The following CNTN6 variants were observed in gnomAD, a reference collection of about 807,000 sequenced individuals.
CNTN6 encodes contactin-6.
Under a neutral mutation model 122.8 loss-of-function variants are expected in CNTN6, and 137 were observed. The observed-to-expected ratio is 1.12, with a 90% CI of 0.97 to 1.29. The LOEUF is 1.29. Among genes scored for constraint, CNTN6 ranks in the 50% most tolerant of loss-of-function variants. CNTN6 has a pLI of 0.00. For missense variants in CNTN6, 1,634 were observed against 1,223.4 expected (o/e 1.34, Z -5.01); for synonymous variants, 570 against 426.0 (o/e 1.34, Z -4.16).
intron 5 of CNTN6, among the ~76,000 whole-genome samples, chr3:1,286,095 C>A (rs1244430554): frequency 6.6e-6 from 1 of 152,224 alleles, no homozygotes. Flanking sequence ...CAGAACTCTC[C>A]TGTTGCAGCC....
At chr3:1,162,715 T>A (rs1301224686) in intron 2 of CNTN6, among the ~76,000 whole-genome samples, 1 of 152,238 alleles carries the variant, frequency 6.6e-6, no homozygotes, top group Non-Finnish European at 1.5e-5. Context: ...GGATCTTGCT[T>A]TATGTTTGAG....
chr3:1,300,809 CT>C (rs1697253074), intron 7 of CNTN6, among the ~76,000 whole-genome samples: 1 of 151,922 alleles, frequency 6.6e-6, no homozygotes, highest in South Asian at 2.1e-4. Flanking sequence ...CTCTCTCCCC[CT>C]CTCTCTCTTT....
At chr3:1,349,517 A>G (rs1265737288) in intron 11 of CNTN6, among the ~76,000 whole-genome samples, 1 of 151,776 alleles carries the variant, frequency 6.6e-6, no homozygotes, top group Non-Finnish European at 1.5e-5. Context: ...ATTGTAAAAG[A>G]AGAATAGAAA....
chr3:1,118,404 A>T (rs1427348861), intron 1 of CNTN6, among the ~76,000 whole-genome samples: 1 of 152,190 alleles, frequency 6.6e-6, no homozygotes, highest in Non-Finnish European at 1.5e-5. Context: ...TTTATTTCTA[A>T]ACAAAGCCTA....
At chr3:1,287,097 C>T (rs1345276485) in intron 5 of CNTN6, among the ~76,000 whole-genome samples, 1 of 152,138 alleles carries the variant, frequency 6.6e-6, no homozygotes, top group Non-Finnish European at 1.5e-5. Context: ...TACAAAGAAA[C>T]TTAGACTCCC....
chr3:1,308,908 G>T (rs1471967916), intron 7 of CNTN6, among the ~76,000 whole-genome samples: 2 of 151,994 alleles, frequency 1.3e-5, no homozygotes, highest in Non-Finnish European at 1.5e-5. Context: ...CTTTTAATGT[G>T]ATTATTTGCT....
chr3:1,385,649 A>T lies in CNTN6; in HGVS notation c.2556A>T (p.Ile852=), dbSNP rs763503825. The change falls in exon 20 of 23, where the codon ATA becomes ATT. Residue 852 remains isoleucine, a synonymous_variant. Coordinates refer to ENST00000446702, the MANE Select transcript of CNTN6 (RefSeq NM_001289080.2). The part of the protein sequence containing the change: ...YWTDDSKESM[I]GKIRVSGNVT... ...CAGATGACTCCAAAGAATCCATGAT[A>T]GGTAAAATTAGAGTCAGTGGAAATG... 1 of 1,614,046 alleles carries T rather than the reference A, an allele frequency of 6.2e-7. No individual in the cohort carries two copies. Among genetic ancestry groups the T allele is most frequent in the Non-Finnish European group, 8.5e-7 (1 of 1,179,918 alleles).
intron 20 of CNTN6, among the ~76,000 whole-genome samples, chr3:1,389,716 T>C (rs1693803474): frequency 6.6e-6 from 1 of 150,872 alleles, no homozygotes; most frequent in African/African-American, 2.4e-5. Context: ...TGGAGGAAGA[T>C]CTACTGAGCC....
chr3:1,179,192 A>T (rs1190742543), intron 2 of CNTN6, among the ~76,000 whole-genome samples: 2 of 152,042 alleles, frequency 1.3e-5, no homozygotes, highest in African/African-American at 4.8e-5. Flanking sequence ...GTGAGAACTT[A>T]CTCATTACCA....
chr3:1,322,791 G>T (rs1484047959), intron 8 of CNTN6, among the ~76,000 whole-genome samples: 1 of 151,216 alleles, frequency 6.6e-6, no homozygotes, highest in Non-Finnish European at 1.5e-5. Context: ...ACTTTAACCT[G>T]CAATGAATAC....
chr3:1,151,972 T>C (rs2092853273), intron 2 of CNTN6, among the ~76,000 whole-genome samples: 1 of 152,046 alleles, frequency 6.6e-6, no homozygotes, highest in Admixed American at 6.6e-5. Flanking sequence ...TACTGAAAAA[T>C]CTACATTTCT....
chr3:1,168,625 AC>A (rs1218181847), intron 2 of CNTN6, among the ~76,000 whole-genome samples: 3 of 151,670 alleles, frequency 2.0e-5, no homozygotes, highest in African/African-American at 7.3e-5. Context: ...AAATATTTTA[AC>A]CTCATTTTAC....
Position 1,321,835 on chromosome 3 carries a change from G to C in CNTN6, c.946+1G>C, listed in dbSNP as rs768052985. The C allele has an allele frequency of 3.1e-6, 5 of 1,598,186 alleles. No individual in the cohort carries two copies. The highest frequency in any genetic ancestry group is 4.3e-6 in the Non-Finnish European group (5 of 1,173,024). ...GCAAAGGGTCAACTCATTTTTTATG[G>C]TGAGCTAATTGGATTTCAAATATAT... On this transcript the variant is annotated splice_donor_variant, in intron 8 of 22. Coordinates refer to ENST00000446702, the MANE Select transcript of CNTN6 (RefSeq NM_001289080.2). LOFTEE classifies it high-confidence loss of function.
chr3:1,369,164 A>G (rs559615772), intron 12 of CNTN6, among the ~76,000 whole-genome samples: 272 of 152,250 alleles, frequency 1.8e-3, no homozygotes, highest in Non-Finnish European at 3.2e-3. Context: ...TACCCAGCTC[A>G]CTACTACTTG....
At chr3:1,384,716 AC>A (rs1442268281) in intron 19 of CNTN6, among the ~76,000 whole-genome samples, 2,197 of 137,454 alleles carry the variant, frequency 0.016, 39 homozygotes, top group South Asian at 0.037. Flanking sequence ...ACATATACAT[AC>A]TATATATACA....
At chr3:1,334,265 T>C (rs1438462816) in intron 11 of CNTN6, among the ~76,000 whole-genome samples, 1 of 152,140 alleles carries the variant, frequency 6.6e-6, no homozygotes, top group Admixed American at 6.6e-5. Context: ...AAAAGGCATA[T>C]TCCTGCAGGA....
intron 3 of CNTN6, among the ~76,000 whole-genome samples, chr3:1,221,392 A>G (rs961151218): frequency 1.3e-5 from 2 of 152,326 alleles, no homozygotes; most frequent in East Asian, 3.9e-4. Flanking sequence ...AAAATGTTCT[A>G]TAAGGAATGA....
intron 1 of CNTN6, among the ~76,000 whole-genome samples, chr3:1,119,671 C>T (rs2125054859): frequency 6.6e-6 from 1 of 151,762 alleles, no homozygotes; most frequent in African/African-American, 2.4e-5. Context: ...TTCCTTTATT[C>T]ACTTTCCATC....
intron 4 of CNTN6, among the ~76,000 whole-genome samples, chr3:1,259,806 T>A (rs896948423): frequency 6.6e-6 from 1 of 152,160 alleles, no homozygotes; most frequent in Non-Finnish European, 1.5e-5. Flanking sequence ...CATGCTTGTA[T>A]AGATGTATCC....
Sources: gnomAD v4.1 joint callset for allele counts (sites outside exome capture counted in the v4.1 genomes callset) on GRCh38, gnomAD v4.1.1 for gene constraint, MANE v1.5 for transcripts, NCBI Gene and HGNC (gene_info 2026-07-23, HGNC 2026-07-21) for gene names.